Variants in NAALADL2 observed in about 807,000 individuals in gnomAD.
The protein encoded by NAALADL2 is N-acetylated alpha-linked acidic dipeptidase like 2.
NAALADL2 carries 76 observed loss-of-function variants against 87.2 expected under a neutral mutation model. The ratio of observed to expected loss-of-function variants is 0.87; its 90% confidence interval spans 0.72 to 1.05. The LOEUF is 1.05. Ranked by LOEUF, NAALADL2 falls within the 50% of genes least tolerant of loss-of-function variation. The pLI, the probability that NAALADL2 is intolerant of heterozygous loss-of-function variation, is 0.00. For synonymous variants in NAALADL2, 354 were observed against 331.0 expected (o/e 1.07, Z -0.75); for missense variants, 1,089 against 945.8 (o/e 1.15, Z -1.99).
chr3:174,784,475 C>A (rs1716361189), intron 3 of NAALADL2, among the ~76,000 whole-genome samples: 1 of 152,100 alleles, frequency 6.6e-6, no homozygotes, highest in Admixed American at 6.6e-5. Flanking sequence ...TTACTATATA[C>A]AATGTGCCTC....
chr3:174,728,020 G>T (rs1291676753), intron 2 of NAALADL2, among the ~76,000 whole-genome samples: 1 of 151,922 alleles, frequency 6.6e-6, no homozygotes, highest in Non-Finnish European at 1.5e-5. Context: ...ATGTACTTAA[G>T]GCTCATTCAT....
At chr3:174,810,286 G>A (rs1720026857) in intron 3 of NAALADL2, among the ~76,000 whole-genome samples, 1 of 152,028 alleles carries the variant, frequency 6.6e-6, no homozygotes, top group Non-Finnish European at 1.5e-5. Context: ...AAGACAAGAA[G>A]ATACAGGAAA....
chr3:175,730,454 ACACG>A (rs1357473769), intron 11 of NAALADL2, among the ~76,000 whole-genome samples: 3 of 136,024 alleles, frequency 2.2e-5, no homozygotes, highest in African/African-American at 8.0e-5. Flanking sequence ...ACACACATAC[ACACG>A]CACACACACA....
chr3:174,836,178 A>C (rs1021713514), intron 3 of NAALADL2, among the ~76,000 whole-genome samples: 1 of 152,212 alleles, frequency 6.6e-6, no homozygotes, highest in South Asian at 2.1e-4. Flanking sequence ...ATTCTGAAAC[A>C]TGCTGCAACA....
At chr3:175,232,833 C>T (rs1331119605) in intron 2 of NAALADL2, among the ~76,000 whole-genome samples, 10 of 152,016 alleles carry the variant, frequency 6.6e-5, no homozygotes, top group African/African-American at 2.2e-4. Flanking sequence ...TAAGAAGATA[C>T]ATTTTTGCCC....
chr3:174,952,772 A>G (rs1054977669), intron 1 of NAALADL2, among the ~76,000 whole-genome samples: 2 of 152,170 alleles, frequency 1.3e-5, no homozygotes, highest in Non-Finnish European at 2.9e-5. Context: ...ATATCTGGGT[A>G]TAAGGAAGCC....
intron 11 of NAALADL2, among the ~76,000 whole-genome samples, chr3:175,733,516 G>A (rs1744071786): frequency 6.6e-6 from 1 of 152,136 alleles, no homozygotes. Flanking sequence ...AATTATGGGA[G>A]CTACAAGATG....
intron 2 of NAALADL2, among the ~76,000 whole-genome samples, chr3:175,200,580 C>T (rs531536225): frequency 1.9e-4 from 29 of 152,274 alleles, no homozygotes; most frequent in Admixed American, 1.3e-3. Flanking sequence ...ACTAGAACAA[C>T]CATCCTCCCA....
chr3:175,258,695 T>G (rs373431955), intron 4 of NAALADL2, among the ~76,000 whole-genome samples: 2 of 152,268 alleles, frequency 1.3e-5, no homozygotes, highest in Admixed American at 6.5e-5. Flanking sequence ...GCTGCATGCC[T>G]GGTGACTGGG....
intron 4 of NAALADL2, among the ~76,000 whole-genome samples, chr3:175,258,847 A>G (rs1456274476): frequency 6.6e-6 from 1 of 152,180 alleles, no homozygotes; most frequent in Non-Finnish European, 1.5e-5. Flanking sequence ...ACAAAAATAA[A>G]TTATCTGTGT....
chr3:174,733,725 C>T (rs1336428865), intron 2 of NAALADL2, among the ~76,000 whole-genome samples: 2 of 152,190 alleles, frequency 1.3e-5, no homozygotes, highest in African/African-American at 2.4e-5. Context: ...TGGGGTGCTG[C>T]AGCTGAGGAG....
chr3:174,516,717 T>A (rs9867207), intron 1 of NAALADL2, among the ~76,000 whole-genome samples: 81,558 of 151,758 alleles, frequency 0.54, 22,103 homozygotes, highest in South Asian at 0.64. Flanking sequence ...TTGCTTAAAA[T>A]CATAAGTTAG....
intron 1 of NAALADL2, among the ~76,000 whole-genome samples, chr3:174,941,117 T>C (rs1470502843): frequency 6.6e-6 from 1 of 152,056 alleles, no homozygotes; most frequent in Non-Finnish European, 1.5e-5. Context: ...GAGATCTTTC[T>C]AACTTTTTGA....
chr3:174,973,004 A>AG (rs1743902102), intron 1 of NAALADL2, among the ~76,000 whole-genome samples: 2 of 151,892 alleles, frequency 1.3e-5, no homozygotes, highest in South Asian at 4.2e-4. Context: ...CTCAAAAAAA[A>AG]AAAAAAAAAA....
chr3:174,848,007 CT>C (rs201813674), intron 3 of NAALADL2, among the ~76,000 whole-genome samples: 122 of 127,942 alleles, frequency 9.5e-4, no homozygotes, highest in Non-Finnish European at 9.9e-4. Flanking sequence ...TTTTCTCTCT[CT>C]TTTTTTTTTT....
At chr3:174,982,619 A>T (rs1199188589) in intron 1 of NAALADL2, among the ~76,000 whole-genome samples, 1 of 152,216 alleles carries the variant, frequency 6.6e-6, no homozygotes. Context: ...AATGTTATTT[A>T]CATCTTACTA....
intron 13 of NAALADL2, among the ~76,000 whole-genome samples, chr3:175,781,279 A>G (rs1576805031): frequency 6.6e-6 from 1 of 152,172 alleles, no homozygotes; most frequent in Non-Finnish European, 1.5e-5. Flanking sequence ...TCTATGTTAT[A>G]AAATCATGTG....
intron 3 of NAALADL2, among the ~76,000 whole-genome samples, chr3:174,837,907 C>T (rs566252056): frequency 2.6e-5 from 4 of 151,618 alleles, no homozygotes; most frequent in Admixed American, 6.6e-5. Context: ...AGAATTGGTG[C>T]CAATCCTGTT....
chr3:175,708,330 T>C (rs1740019748), intron 11 of NAALADL2, among the ~76,000 whole-genome samples: 1 of 151,892 alleles, frequency 6.6e-6, no homozygotes, highest in Middle Eastern at 3.2e-3. Context: ...GATTAGAGAG[T>C]GGCAAGAATG....
Sources: allele counts gnomAD v4.1 joint callset (sites outside exome capture counted in the v4.1 genomes callset), GRCh38; gene constraint gnomAD v4.1.1; transcripts MANE v1.5; gene names NCBI Gene and HGNC (gene_info 2026-07-23, HGNC 2026-07-21).